Variants in FBN2 observed in about 807,000 individuals in gnomAD.
FBN2 encodes the protein fibrillin-2.
In FBN2, 105 loss-of-function variants were observed where a neutral mutation model predicts 355.6. That is an observed-to-expected ratio of 0.30 (90% CI 0.25 to 0.35). The LOEUF is 0.35. Among genes scored for constraint, FBN2 ranks in the 10% least tolerant of loss-of-function variants. The probability of loss-of-function intolerance (pLI) is 1.00; values close to 1 mark genes in which losing one functional copy is unlikely to be tolerated. For missense variants in FBN2, 3,280 were observed against 3,758.7 expected (o/e 0.87, Z 3.33); for synonymous variants, 1,350 against 1,301.2 (o/e 1.04, Z -0.81).
chr5:128,339,337 G>T (rs1367337946), intron 25 of FBN2: 1 of 397,290 alleles, frequency 2.5e-6, no homozygotes, highest in African/African-American at 2.1e-5. Flanking sequence ...TAACAGAAAA[G>T]GGGGGCATGG....
At chr5:128,409,273 T>C (rs148542015) in intron 7 of FBN2, among the ~76,000 whole-genome samples, 107 of 152,344 alleles carry the variant, frequency 7.0e-4, no homozygotes, top group Admixed American at 1.4e-3. Context: ...GATATGTTTT[T>C]GTACTTACAT....
chr5:128,310,209 C>T (rs1749995687), intron 39 of FBN2, 101 bp from the exon 40 acceptor site: 7 of 1,001,366 alleles, frequency 7.0e-6, no homozygotes, highest in South Asian at 1.5e-5. Context: ...CTCTAAATCC[C>T]CATTTATGCA....
intron 7 of FBN2, among the ~76,000 whole-genome samples, chr5:128,413,574 A>G (rs1201724144): frequency 6.6e-6 from 1 of 152,190 alleles, no homozygotes; most frequent in Non-Finnish European, 1.5e-5. Flanking sequence ...ATAACCTCAT[A>G]TTTGTCAACC....
rs1756190190 is a variant in FBN2 at position 128,513,541 on chromosome 5, ATACACACTGC to A, written c.628+5722_628+5731del. Among the ~76,000 whole-genome samples the A allele has an allele frequency of 3.3e-5, 5 of 152,258 alleles. No homozygotes were observed. The South Asian group carries it at 1.0e-3, about 31-fold the overall frequency. The stretch of plus-strand genomic sequence containing the variant: ...CAAAGAAAGAGCTGGAATAAATGAG[ATACACACTGC>A]TTTTGTTCAAAAGAGAATAAAATAT... On this transcript the variant is annotated intron_variant, in intron 5 of 64. Transcript: ENST00000262464.
At chr5:128,307,002 C>T (rs1237529497) in intron 42 of FBN2, 133 bp downstream of exon 42, 1 of 674,332 alleles carries the variant, frequency 1.5e-6, no homozygotes, top group African/African-American at 1.8e-5. Context: ...TTATTTCTCT[C>T]TTATCTAACT....
At chr5:128,286,918 T>TG in intron 54 of FBN2, 69 bp from the exon 55 acceptor site, 2 of 1,408,030 alleles carry the variant, frequency 1.4e-6, no homozygotes, top group East Asian at 2.7e-5. Context: ...AAGTCACAGG[T>TG]GTGGTCTTCT....
intron 4 of FBN2, 108 bp from the exon 5 acceptor site, chr5:128,519,476 T>A (rs1471052568): frequency 2.5e-6 from 2 of 788,456 alleles, no homozygotes; most frequent in African/African-American, 1.7e-5. Context: ...TATAGTACAT[T>A]ATGTTAATTA....
At chr5:128,491,270 CT>C (rs747656237) in intron 5 of FBN2, among the ~76,000 whole-genome samples, 12 of 152,188 alleles carry the variant, frequency 7.9e-5, no homozygotes, top group Non-Finnish European at 1.8e-4. Flanking sequence ...AAGCCATTTA[CT>C]TTCAAAAGTA....
Position 128,312,842 on chromosome 5 carries a change from A to T in FBN2, c.4718-47T>A, listed in dbSNP as rs147660593. 1.0e-5 allele frequency: 16 copies of T among 1,603,308 alleles called. No homozygotes were observed. In the East Asian group the frequency reaches 3.3e-4, roughly 34 times the overall value. On this transcript the variant is annotated intron_variant, in intron 36 of 64. Coordinates refer to ENST00000262464, the MANE Select transcript of FBN2 (RefSeq NM_001999.4). Reference sequence around the variant, plus strand: ...TACAGTTGCCCTTGCTTACATAGTAAGGACTCCATTTTAGGGAAAAGTCAC... The same window carrying T: ...TACAGTTGCCCTTGCTTACATAGTATGGACTCCATTTTAGGGAAAAGTCAC...
intron 8 of FBN2, among the ~76,000 whole-genome samples, chr5:128,404,934 G>T (rs765694320): frequency 1.3e-5 from 2 of 152,196 alleles, no homozygotes; most frequent in Non-Finnish European, 2.9e-5. Flanking sequence ...CACTTTGGGA[G>T]GTCAAGGCGG....
At chr5:128,481,204 T>C (rs530213468) in intron 5 of FBN2, among the ~76,000 whole-genome samples, 1 of 152,140 alleles carries the variant, frequency 6.6e-6, no homozygotes, top group Non-Finnish European at 1.5e-5. Flanking sequence ...CCTTTTTACC[T>C]CACCAGGAAG....
intron 33 of FBN2, among the ~76,000 whole-genome samples, chr5:128,329,868 C>A (rs766591827): frequency 3.3e-5 from 5 of 152,114 alleles, no homozygotes; most frequent in Non-Finnish European, 5.9e-5. Flanking sequence ...ACTTTACGTC[C>A]AGCAAGATTA....
chr5:128,379,871 A>G (rs1482779233), intron 11 of FBN2, among the ~76,000 whole-genome samples: 1 of 152,128 alleles, frequency 6.6e-6, no homozygotes, highest in Non-Finnish European at 1.5e-5. Context: ...ATACCATTTC[A>G]GCTAAATTGG....
At chr5:128,429,188 A>T (rs889378614) in intron 7 of FBN2, among the ~76,000 whole-genome samples, 3 of 152,244 alleles carry the variant, frequency 2.0e-5, no homozygotes, top group African/African-American at 7.2e-5. Context: ...TAGTTCATGG[A>T]TGACACTTTT....
At chr5:128,472,542 AG>A (rs1754889999) in intron 5 of FBN2, among the ~76,000 whole-genome samples, 1 of 152,152 alleles carries the variant, frequency 6.6e-6, no homozygotes, top group Non-Finnish European at 1.5e-5. Flanking sequence ...TTGTAATCTC[AG>A]CACTTTGGGA....
At chr5:128,370,320 C>T (rs1751898516) in intron 15 of FBN2, among the ~76,000 whole-genome samples, 1 of 152,160 alleles carries the variant, frequency 6.6e-6, no homozygotes, top group Non-Finnish European at 1.5e-5. Context: ...TTATAAATAT[C>T]TGTAACTATT....
chr5:128,447,227 A>G (rs1417782490), intron 6 of FBN2, among the ~76,000 whole-genome samples: 2 of 152,212 alleles, frequency 1.3e-5, no homozygotes, highest in Non-Finnish European at 2.9e-5. Context: ...TTCAGGGAAT[A>G]AGGGAGATAA....
intron 5 of FBN2, among the ~76,000 whole-genome samples, chr5:128,488,329 T>C (rs1000736807): frequency 2.0e-5 from 3 of 152,172 alleles, no homozygotes; most frequent in Non-Finnish European, 4.4e-5. Context: ...TGCCAGTGAC[T>C]ATATATCAAC....
chr5:128,335,145 G>A, intron 30 of FBN2, 25 bp downstream of exon 30: 2 of 1,613,868 alleles, frequency 1.2e-6, no homozygotes, highest in South Asian at 1.1e-5. Flanking sequence ...GTGTATAAAT[G>A]TTTATCCTTT....
Sources: allele counts gnomAD v4.1 joint callset (sites outside exome capture counted in the v4.1 genomes callset), GRCh38; gene constraint gnomAD v4.1.1; transcripts MANE v1.5; gene names NCBI Gene and HGNC (gene_info 2026-07-23, HGNC 2026-07-21).